IQGAP2: variants seen among roughly 807,000 people sequenced by gnomAD.
IQGAP2 encodes the protein ras GTPase-activating-like protein IQGAP2.
In IQGAP2, 173 loss-of-function variants were observed where a neutral mutation model predicts 201.3. The ratio of observed to expected loss-of-function variants is 0.86; its 90% CI spans 0.76 to 0.98. The LOEUF is 0.98. Ranked by LOEUF, IQGAP2 falls within the 50% of genes least tolerant of loss-of-function variation. IQGAP2 has a pLI of 0.00. For synonymous variants in IQGAP2, 675 were observed against 673.9 expected (o/e 1.00, Z -0.03); for missense variants, 1,687 against 1,864.8 (o/e 0.90, Z 1.76).
intron 1 of IQGAP2, among the ~76,000 whole-genome samples, chr5:76,418,593 CGA>C (rs1491453192): frequency 0.043 from 6,341 of 146,274 alleles, 419 homozygotes; most frequent in African/African-American, 0.14. Flanking sequence ...GACTCCATCT[CGA>C]AAAAAAAAAA....
intron 22 of IQGAP2, among the ~76,000 whole-genome samples, chr5:76,665,973 G>A (rs1743720344): frequency 6.6e-6 from 1 of 152,242 alleles, no homozygotes; most frequent in African/African-American, 2.4e-5. Context: ...GTCTCTCAGA[G>A]TGGGGCCACT....
At chr5:76,439,234 C>A (rs1315352796) in intron 1 of IQGAP2, among the ~76,000 whole-genome samples, 3 of 152,042 alleles carry the variant, frequency 2.0e-5, no homozygotes, top group African/African-American at 7.3e-5. Context: ...ACAATTGTTT[C>A]TTTAATTTTA....
At position 76,637,022 on chromosome 5, in the gene IQGAP2, T is replaced by A; in HGVS notation, c.1781-12T>A. The A allele has an allele frequency of 1.3e-6, 2 of 1,586,984 alleles. No homozygotes were observed. Among genetic ancestry groups the A allele is most frequent in the Non-Finnish European group, 1.7e-6 (2 of 1,168,586 alleles). ...TGTGTCTGTGTAGAATTTAACAAAC[T>A]TTTTTCTTTAGTGTCTAGTGACGGT... On this transcript the variant is annotated splice_polypyrimidine_tract_variant and intron_variant, in intron 15 of 35. Transcript: ENST00000274364.
At chr5:76,682,004 C>T (rs560083183) in intron 28 of IQGAP2, among the ~76,000 whole-genome samples, 1 of 152,198 alleles carries the variant, frequency 6.6e-6, no homozygotes, top group South Asian at 2.1e-4. Flanking sequence ...ATCTAAGGTA[C>T]CTAGAGTAGT....
intron 1 of IQGAP2, among the ~76,000 whole-genome samples, chr5:76,410,578 AAC>A (rs565702457): frequency 5.6e-4 from 85 of 152,270 alleles, no homozygotes; most frequent in Non-Finnish European, 1.1e-3. Context: ...CTTTTGGATG[AAC>A]AGCTTTGCCA....
chr5:76,621,878 C>T (rs148154724), intron 13 of IQGAP2, among the ~76,000 whole-genome samples: 7 of 151,978 alleles, frequency 4.6e-5, no homozygotes, highest in African/African-American at 1.7e-4. Flanking sequence ...AGAACTAATC[C>T]AAAGAGAATG....
intron 1 of IQGAP2, among the ~76,000 whole-genome samples, chr5:76,429,582 T>G (rs1365718829): frequency 1.7e-5 from 2 of 120,710 alleles, no homozygotes; most frequent in Middle Eastern, 8.5e-3. Context: ...AAAAAAAAAT[T>G]TATATATATA....
rs899203911 is a variant in IQGAP2, at chr5:76,403,790, C to T, written c.46+199C>T. Among the ~76,000 whole-genome samples the T allele has an allele frequency of 6.6e-6, 1 of 151,932 alleles. No individual in the cohort carries two copies. The highest frequency in any genetic ancestry group is 2.4e-5 in the African/African-American group (1 of 41,368). On this transcript the variant is annotated intron_variant, in intron 1 of 35. Transcript: ENST00000274364. This position sits in a 1 kb window ranked among gnomAD's most constrained non-coding sequence, Gnocchi z 4.8. The stretch of plus-strand genomic sequence containing the variant: ...CCCCGCTCCTCCCGCCCCCCAATTC[C>T]TAATATCCAGCTGGCAACCCAGACC...
chr5:76,403,771 T>TC lies in IQGAP2; in HGVS notation c.46+182dup, dbSNP rs1442802113. On this transcript the variant is annotated intron_variant, in intron 1 of 35. Transcript: ENST00000274364. This position sits in a 1 kb window ranked among gnomAD's most constrained non-coding sequence, Gnocchi z 4.8. Reference sequence around the variant, plus strand: ...AGGGCAGTGAATCGCGTCCCCCCGCTCCTCCCGCCCCCCAATTCCTAATAT... The same window carrying TC: ...AGGGCAGTGAATCGCGTCCCCCCGCTCCCTCCCGCCCCCCAATTCCTAATAT... 6.6e-6 allele frequency among the ~76,000 whole-genome samples: 1 copy of TC among 151,704 alleles called. No individual in the cohort carries two copies. Among genetic ancestry groups the TC allele is most frequent in the African/African-American group, 2.4e-5 (1 of 41,252 alleles).
chr5:76,597,181 AGTC>A (rs1401918882), intron 9 of IQGAP2: 4 of 427,370 alleles, frequency 9.4e-6, no homozygotes, highest in Non-Finnish European at 1.7e-5. Flanking sequence ...TTTGGAAGGA[AGTC>A]ATGCTACTCA....
intron 2 of IQGAP2, among the ~76,000 whole-genome samples, chr5:76,537,898 G>A (rs1208188895): frequency 6.6e-6 from 1 of 152,158 alleles, no homozygotes; most frequent in African/African-American, 2.4e-5. Context: ...TCTGTAATAT[G>A]GGGGTGCCAC....
intron 17 of IQGAP2, among the ~76,000 whole-genome samples, chr5:76,646,674 A>G (rs1752060820): frequency 6.6e-6 from 1 of 152,096 alleles, no homozygotes; most frequent in Non-Finnish European, 1.5e-5. Context: ...AGAATTCTAG[A>G]CTCATTCCTG....
chr5:76,679,619 C>T (rs1227328499), intron 28 of IQGAP2, among the ~76,000 whole-genome samples: 1 of 152,134 alleles, frequency 6.6e-6, no homozygotes, highest in Non-Finnish European at 1.5e-5. Context: ...AGGTGGCCAC[C>T]TAAATAATCA....
Position 76,600,896 on chromosome 5 carries a change from G to C in IQGAP2, c.1156G>C (p.Asp386His). The C allele has an allele frequency of 3.1e-6, 5 of 1,614,100 alleles. No homozygotes were observed. The highest frequency in any genetic ancestry group is 4.2e-6 in the Non-Finnish European group (5 of 1,179,972). The stretch of plus-strand genomic sequence containing the variant: ...ACTAAACCAGGCCTTGGAAAGCAAC[G>C]ATCTTGTGTCTGTGCAGAATCAACT... ...ALLNQALESN[D>H]LVSVQNQLRS... Residue 386 changes from aspartate (D) to histidine (H), a missense_variant, in exon 11 of 36, where the codon GAT becomes CAT. Coordinates refer to ENST00000274364, the MANE Select transcript of IQGAP2 (RefSeq NM_006633.5).
In IQGAP2 at chr5:76,418,570, G is replaced by A. The variant is rs1306024493; in HGVS notation, c.46+14979G>A. Among the ~76,000 whole-genome samples, 3 of 145,490 alleles carry A rather than the reference G, an allele frequency of 2.1e-5. 1 individual carries two copies. The South Asian group carries it at 6.7e-4, about 32-fold the overall frequency. ...TAAAAATTAGCTGTACTCTAGCCTG[G>A]GTCACAGAGTGAGACTCCATCTCGA... is the stretch of plus-strand genomic sequence containing the variant. On this transcript the variant is annotated intron_variant, in intron 1 of 35. Transcript: ENST00000274364.
At chr5:76,692,003 A>C (rs1216125250) in intron 30 of IQGAP2, among the ~76,000 whole-genome samples, 1 of 152,224 alleles carries the variant, frequency 6.6e-6, no homozygotes, top group Non-Finnish European at 1.5e-5. Flanking sequence ...GATATCATGT[A>C]ATGACTCTGA....
intron 2 of IQGAP2, among the ~76,000 whole-genome samples, chr5:76,544,328 C>T (rs1282020714): frequency 6.6e-6 from 1 of 152,182 alleles, no homozygotes; most frequent in Non-Finnish European, 1.5e-5. Flanking sequence ...ACAAGAGAGT[C>T]TACAATCCTC....
chr5:76,489,102 C>T (rs1756358353), intron 2 of IQGAP2, among the ~76,000 whole-genome samples: 1 of 152,202 alleles, frequency 6.6e-6, no homozygotes, highest in African/African-American at 2.4e-5. Context: ...TTGCGCTTGA[C>T]ACAGCCTTGT....
At chr5:76,683,453 A>C (rs983428501) in intron 29 of IQGAP2, among the ~76,000 whole-genome samples, 83 of 152,378 alleles carry the variant, frequency 5.4e-4, no homozygotes, top group African/African-American at 1.9e-3. Context: ...CAGATATGTC[A>C]AAAAGGAATT....
Sources: allele counts gnomAD v4.1 joint callset (sites outside exome capture counted in the v4.1 genomes callset), GRCh38; gene constraint gnomAD v4.1.1; non-coding constraint Gnocchi (gnomAD v3.1); transcripts MANE v1.5; gene names NCBI Gene and HGNC (gene_info 2026-07-23, HGNC 2026-07-21).